The following VWF variants were observed in gnomAD, a reference collection of about 807,000 sequenced individuals.
VWF encodes Factor VIII related antigen.
Under a neutral mutation model 308.6 loss-of-function variants are expected in VWF, and 176 were observed. The ratio of observed to expected loss-of-function variants is 0.57; its 90% CI spans 0.50 to 0.65. VWF has a LOEUF of 0.65. Ranked by LOEUF, VWF falls within the 30% of genes least tolerant of loss-of-function variation. VWF has a pLI of 0.00. For missense variants in VWF, 3,146 were observed against 3,648.2 expected (o/e 0.86, Z 3.55); for synonymous variants, 1,385 against 1,443.4 (o/e 0.96, Z 0.92).
chr12:5,953,480 T>C lies in VWF; in HGVS notation c.7986+16A>G, dbSNP rs777272245. Reference sequence around the variant, plus strand: ...TGGTGATATGTGAGGGAGCCCTGCATTCAGCTTGCTCCTACCTTCAGTGTC... The same window carrying C: ...TGGTGATATGTGAGGGAGCCCTGCACTCAGCTTGCTCCTACCTTCAGTGTC... On this transcript the variant is annotated intron_variant, in intron 48 of 51. Coordinates refer to ENST00000261405, the MANE Select transcript of VWF (RefSeq NM_000552.5). 35 of 1,609,972 alleles carry C rather than the reference T, an allele frequency of 2.2e-5. No individual in the cohort carries two copies. Among genetic ancestry groups the C allele is most frequent in the African/African-American group, 1.6e-4 (12 of 74,852 alleles).
intron 41 of VWF, 50 bp downstream of exon 41, chr12:5,983,100 C>T (rs371651888): frequency 6.4e-7 from 1 of 1,558,354 alleles, no homozygotes; most frequent in African/African-American, 1.4e-5. Flanking sequence ...GCCTCCCTCA[C>T]ACCAGCAGAG....
rs568719081 is a variant in VWF, at chr12:6,027,871, CACA to C, written c.2967+1468_2967+1470del. On this transcript the variant is annotated intron_variant, in intron 22 of 51. Coordinates refer to ENST00000261405, the MANE Select transcript of VWF (RefSeq NM_000552.5). ...ACATACACACACACACACACACACA[CACA>C]CACACACACCCCTAAACAAAAAAAC... 1.6e-3 allele frequency among the ~76,000 whole-genome samples: 240 copies of C among 151,114 alleles called. 1 individual carries two copies. The highest frequency in any genetic ancestry group is 5.7e-3 in the African/African-American group (231 of 40,742).
In VWF at chr12:6,113,780, GGCCCTAGGCATTT is replaced by G. The variant is rs1945336084; in HGVS notation, c.221-2825_221-2813del. 5.3e-5 allele frequency among the ~76,000 whole-genome samples: 8 copies of G among 152,132 alleles called. No homozygotes were observed. In the South Asian group the frequency reaches 1.7e-3, roughly 32 times the overall value. On this transcript the variant is annotated intron_variant, in intron 3 of 51. Transcript: ENST00000261405. Reference sequence around the variant, plus strand: ...CCAGTTTGCACCCTCTCCCTTCCAGGGCCCTAGGCATTTGCACTGGGCCCAAGACCAAATCCCT... The same window carrying G: ...CCAGTTTGCACCCTCTCCCTTCCAGGGCACTGGGCCCAAGACCAAATCCCT...
rs1944115807 is a variant in VWF, at chr12:6,020,324, A to G, written c.3675-581T>C. On this transcript the variant is annotated intron_variant, in intron 27 of 51. Coordinates refer to ENST00000261405, the MANE Select transcript of VWF (RefSeq NM_000552.5). This position sits in a 1 kb window ranked among gnomAD's most constrained non-coding sequence, Gnocchi z 4.3. ...GTAGAAAGATGAATAAAGATTCAAA[A>G]CCCCAGCTTTATCTAGCAGAACAAA... 6.6e-6 allele frequency among the ~76,000 whole-genome samples: 1 copy of G among 152,220 alleles called. No individual in the cohort carries two copies. The highest frequency in any genetic ancestry group is 1.5e-5 in the Non-Finnish European group (1 of 68,040).
intron 47 of VWF, among the ~76,000 whole-genome samples, chr12:5,956,241 T>C (rs1024256093): frequency 6.6e-6 from 1 of 152,238 alleles, no homozygotes; most frequent in East Asian, 1.9e-4. Flanking sequence ...GTTACTGGTT[T>C]ATGAATACTT....
At chr12:6,077,963 A>G (rs1422008515) in intron 6 of VWF, among the ~76,000 whole-genome samples, 2 of 152,294 alleles carry the variant, frequency 1.3e-5, no homozygotes, top group African/African-American at 2.4e-5. Flanking sequence ...GAATAGTAAC[A>G]GTTCCTCTGG....
chr12:5,972,526 T>G (rs1271920519), intron 43 of VWF, among the ~76,000 whole-genome samples: 2 of 152,154 alleles, frequency 1.3e-5, no homozygotes, highest in Non-Finnish European at 2.9e-5. Context: ...AGGACGGGTG[T>G]GGATGGCAGC....
chr12:5,973,185 C>T (rs1304893932), intron 43 of VWF, among the ~76,000 whole-genome samples: 4 of 152,174 alleles, frequency 2.6e-5, no homozygotes, highest in African/African-American at 9.6e-5. Context: ...CAACCAGGGT[C>T]CAACCTATAT....
intron 45 of VWF, 61 bp downstream of exon 45, chr12:5,969,150 G>A: frequency 5.1e-6 from 8 of 1,555,506 alleles, no homozygotes; most frequent in Non-Finnish European, 6.1e-6. Context: ...GGAGCCAAAA[G>A]TGGAAAGAGA....
At chr12:6,001,093 T>C (rs1443458222) in intron 34 of VWF, among the ~76,000 whole-genome samples, 3 of 152,090 alleles carry the variant, frequency 2.0e-5, no homozygotes, top group Non-Finnish European at 4.4e-5. Context: ...AAGAATGCTA[T>C]TAAAAACTGA....
At chr12:5,993,755 A>G in intron 37 of VWF, 107 bp downstream of exon 37, 1 of 996,206 alleles carries the variant, frequency 1.0e-6, no homozygotes, top group Admixed American at 2.0e-5. Context: ...TACGAAATAC[A>G]GGGATTTTCA....
rs1800377 is a variant in VWF at position 6,064,267 on chromosome 12, C to T, written c.1411G>A (p.Val471Ile). ...ATACCTTTCAGGAGGGGGAGCTGGA[C>T]GTCCTGGCCATCCATGGCAACTCCT... ...GAGVAMDGQD[V>I]QLPLLKGDLR... The change falls in exon 12 of 52, where the codon GTC becomes ATC. Residue 471 changes from valine to isoleucine, a missense_variant. Transcript: ENST00000261405. The T allele has an allele frequency of 0.12, 188,812 of 1,614,044 alleles. 11,844 individuals are homozygous for T. The highest frequency in any genetic ancestry group is 0.17 in the South Asian group (15,911 of 91,076).
intron 34 of VWF, among the ~76,000 whole-genome samples, chr12:6,001,494 A>G (rs909252684): frequency 1.1e-4 from 16 of 152,334 alleles, no homozygotes; most frequent in Admixed American, 5.9e-4. Context: ...TCTAGCCAAA[A>G]AAAAGATTAA....
At chr12:5,996,670 C>G (rs1297271112) in intron 34 of VWF, among the ~76,000 whole-genome samples, 2 of 147,304 alleles carry the variant, frequency 1.4e-5, no homozygotes, top group Non-Finnish European at 3.0e-5. Flanking sequence ...TTTCAGCTGC[C>G]AAGTGACTAA....
chr12:6,001,223 T>C (rs1281847543), intron 34 of VWF, among the ~76,000 whole-genome samples: 6 of 152,110 alleles, frequency 3.9e-5, no homozygotes, highest in Non-Finnish European at 8.8e-5. Context: ...CCTTAACGTA[T>C]CACCACATTT....
In VWF at chr12:6,029,346, T is replaced by A; in HGVS notation, c.2963A>T (p.Tyr988Phe). Reference protein sequence around the residue: ...LSISVVLKQTYQEKVCGLCGN... With the variant: ...LSISVVLKQTFQEKVCGLCGN... ...TGAAGCAAGAAAGCCACTGACCTGGTATGTCTGCTTCAGGACCACGGAGAT... is the reference window on the plus strand; with the variant it reads ...TGAAGCAAGAAAGCCACTGACCTGGAATGTCTGCTTCAGGACCACGGAGAT... Residue 988 changes from tyrosine to phenylalanine, a missense_variant, in exon 22 of 52, where the codon TAC (tyrosine) becomes TTC (phenylalanine). Around this residue, in one of 3 missense-constraint regions of VWF, gnomAD observed 1,304 missense variants for 1,353.0 expected, o/e 0.96. Transcript: ENST00000261405. The A allele has an allele frequency of 6.2e-7, 1 of 1,614,028 alleles. No individual in the cohort carries two copies. The highest frequency in any genetic ancestry group is 8.5e-7 in the Non-Finnish European group (1 of 1,180,018).
At chr12:6,015,156 G>A (rs1244262168) in intron 31 of VWF, among the ~76,000 whole-genome samples, 1 of 152,078 alleles carries the variant, frequency 6.6e-6, no homozygotes, top group African/African-American at 2.4e-5. Context: ...TCATAAACAT[G>A]TCACATTCAT....
At chr12:6,084,752 T>C (rs771585905) in intron 6 of VWF, among the ~76,000 whole-genome samples, 25 of 152,060 alleles carry the variant, frequency 1.6e-4, no homozygotes, top group Non-Finnish European at 3.4e-4. Flanking sequence ...CTGGGATGGG[T>C]GCCCTGCAGC....
rs903219084 is a variant in VWF, at chr12:6,052,878, A to G, written c.1946-95T>C. The G allele has an allele frequency of 2.5e-5, 36 of 1,465,066 alleles. No homozygotes were observed. In the South Asian group the frequency reaches 4.7e-4, roughly 19 times the overall value. 90.8% of individuals were successfully genotyped at this position (1,465,066 alleles called of 1,614,324 possible). On this transcript the variant is annotated intron_variant, in intron 15 of 51. Coordinates refer to ENST00000261405, the MANE Select transcript of VWF (RefSeq NM_000552.5). ...GCCACCCCTTGTAGCTGTGACCCCC[A>G]ATTATTTAATTAAAATTTTTATTGA... is the stretch of plus-strand genomic sequence containing the variant.
Sources: gnomAD v4.1 joint callset for allele counts (sites outside exome capture counted in the v4.1 genomes callset) on GRCh38, gnomAD v4.1.1 for gene constraint, gnomAD v4.1.1 regional missense constraint, Gnocchi (gnomAD v3.1) non-coding constraint, MANE v1.5 for transcripts, NCBI Gene and HGNC (gene_info 2026-07-23, HGNC 2026-07-21) for gene names.